The following LEPR variants were observed in gnomAD, a reference collection of about 807,000 sequenced individuals.
LEPR encodes the protein leptin receptor.
Under a neutral mutation model 114.7 loss-of-function variants are expected in LEPR, and 56 were observed. The observed-to-expected ratio is 0.49, with a 90% CI of 0.39 to 0.61. LEPR has a LOEUF of 0.61. LEPR is among the 20% of genes least tolerant of loss of function. The pLI, the probability that LEPR is intolerant of heterozygous loss-of-function variation, is 0.00. For synonymous variants in LEPR, 443 were observed against 461.4 expected (o/e 0.96, Z 0.51); for missense variants, 1,202 against 1,352.9 (o/e 0.89, Z 1.75).
intron 5 of LEPR, among the ~76,000 whole-genome samples, chr1:65,575,756 T>G (rs925898757): frequency 6.6e-6 from 1 of 151,502 alleles, no homozygotes; most frequent in Non-Finnish European, 1.5e-5. Flanking sequence ...ATAAATAAAT[T>G]TGAATAGGAA....
intron 5 of LEPR, among the ~76,000 whole-genome samples, chr1:65,587,600 A>G (rs1006115593): frequency 2.0e-5 from 3 of 152,032 alleles, no homozygotes; most frequent in African/African-American, 7.2e-5. Context: ...CCATGATCCT[A>G]TGGCTAATAA....
chr1:65,548,284 G>C (rs1651948133), intron 2 of LEPR, among the ~76,000 whole-genome samples: 1 of 152,128 alleles, frequency 6.6e-6, no homozygotes. Flanking sequence ...TGTATATTCT[G>C]TTGATTTGGG....
rs1658828485 is a variant in LEPR at position 65,640,399 on chromosome 1, A to C, written c.*3384A>C. ...CAAGGGTCATCTTGATAGTTACCTT[A>C]ACAAACCTTTCTCAGCTATTTATTA... On this transcript the variant is annotated 3_prime_UTR_variant, in exon 20 of 20. Transcript: ENST00000349533. 1 of 152,232 alleles carries C rather than the reference A, an allele frequency of 6.6e-6. No homozygotes were observed. The highest frequency in any genetic ancestry group is 6.5e-5 in the Admixed American group (1 of 15,284). 9.4% of individuals were successfully genotyped at this position (152,232 alleles called of 1,614,324 possible).
intron 19 of LEPR, chr1:65,635,462 C>A: frequency 1.3e-6 from 1 of 760,796 alleles, no homozygotes; most frequent in Non-Finnish European, 1.6e-6. Context: ...TTTCACATGT[C>A]CATAGTAAAT....
At chr1:65,544,602 G>A (rs1251260551) in intron 2 of LEPR, among the ~76,000 whole-genome samples, 2 of 151,646 alleles carry the variant, frequency 1.3e-5, no homozygotes, top group Non-Finnish European at 1.5e-5. Context: ...ATTATTTTTA[G>A]ATATGTTCCA....
At chr1:65,535,348 G>A (rs377419686) in intron 2 of LEPR, among the ~76,000 whole-genome samples, 1 of 150,570 alleles carries the variant, frequency 6.6e-6, no homozygotes. Flanking sequence ...AACACTGCTA[G>A]TCATAGGTCT....
intron 15 of LEPR, 67 bp from the exon 16 acceptor site, chr1:65,617,894 TTCC>T: frequency 6.9e-7 from 1 of 1,451,500 alleles, no homozygotes; most frequent in Non-Finnish European, 9.3e-7. Context: ...AGGTTATAAG[TTCC>T]TCAAGAGTAT....
At chr1:65,504,048 G>GA (rs1648599339) in intron 2 of LEPR, among the ~76,000 whole-genome samples, 1 of 152,128 alleles carries the variant, frequency 6.6e-6, no homozygotes. Flanking sequence ...ATCAAAGGGA[G>GA]ACTAGAGCCA....
At chr1:65,439,898 A>G (rs1215351828) in intron 2 of LEPR, among the ~76,000 whole-genome samples, 1 of 142,426 alleles carries the variant, frequency 7.0e-6, no homozygotes, top group East Asian at 2.2e-4. Context: ...GCTACTCAGG[A>G]GGCTGAGGCA....
rs527969223 is a variant in LEPR at position 65,640,753 on chromosome 1, G to C, written c.*3738G>C. On this transcript the variant is annotated 3_prime_UTR_variant, in exon 20 of 20. Coordinates refer to ENST00000349533, the MANE Select transcript of LEPR (RefSeq NM_002303.6). ...TGTATTTGTATAAACATTAGGAGAT[G>C]ATTTCCATGGCTTTTTTTTTTTTTT... The C allele has an allele frequency of 4.9e-5, 7 of 143,692 alleles. No homozygotes were observed. The East Asian group carries it at 1.5e-3, about 31-fold the overall frequency. 8.9% of individuals were successfully genotyped at this position (143,692 alleles called of 1,614,324 possible). A position where few individuals can be genotyped will look rare whatever the true frequency, so the allele number is the denominator to read the frequency against.
At chr1:65,590,270 C>G (rs148241534) in intron 5 of LEPR, among the ~76,000 whole-genome samples, 1 of 55,860 alleles carries the variant, frequency 1.8e-5, no homozygotes, top group Non-Finnish European at 3.6e-5. Context: ...CCTTATTATC[C>G]TTTTAATATC....
chr1:65,617,832 A>G, intron 15 of LEPR, 132 bp from the exon 16 acceptor site: 1 of 849,960 alleles, frequency 1.2e-6, no homozygotes, highest in Non-Finnish European at 1.7e-6. Context: ...ATTGTCATGT[A>G]TCATATTTAT....
chr1:65,454,629 G>T (rs1188975880), intron 2 of LEPR, among the ~76,000 whole-genome samples: 2 of 152,172 alleles, frequency 1.3e-5, no homozygotes, highest in Non-Finnish European at 2.9e-5. Context: ...CTTCTGGCTT[G>T]TAGGGTTTCT....
At chr1:65,523,082 A>G (rs1373718902) in intron 2 of LEPR, among the ~76,000 whole-genome samples, 1 of 152,180 alleles carries the variant, frequency 6.6e-6, no homozygotes, top group African/African-American at 2.4e-5. Context: ...TGTAAATTCT[A>G]TAAGGACCTT....
intron 18 of LEPR, 54 bp from the exon 19 acceptor site, chr1:65,622,852 A>T: frequency 6.3e-7 from 1 of 1,593,922 alleles, no homozygotes; most frequent in African/African-American, 1.3e-5. Flanking sequence ...AACTGTTCAC[A>T]TTTTCAATAT....
chr1:65,536,236 G>C (rs1433977804), intron 2 of LEPR, among the ~76,000 whole-genome samples: 1 of 152,096 alleles, frequency 6.6e-6, no homozygotes, highest in Non-Finnish European at 1.5e-5. Context: ...TTTAAAAAGA[G>C]CTTGGCTTGT....
intron 2 of LEPR, among the ~76,000 whole-genome samples, chr1:65,462,904 C>G (rs1288959152): frequency 2.6e-5 from 4 of 152,014 alleles, no homozygotes; most frequent in African/African-American, 7.3e-5. Flanking sequence ...AGCCTTTTGT[C>G]AGATGGGTAG....
chr1:65,622,941 C>T lies in LEPR; in HGVS notation c.2633C>T (p.Pro878Leu). The T allele has an allele frequency of 6.2e-7, 1 of 1,613,904 alleles. No homozygotes were observed. The change falls in exon 19 of 20, where the codon CCC becomes CTC. Residue 878 changes from proline to leucine, a missense_variant. Transcript: ENST00000349533. ...KKLFWEDVPNPKNCSWAQGLN... is the reference protein window; with the variant it reads ...KKLFWEDVPNLKNCSWAQGLN... ...CTATTTTGGGAAGATGTTCCGAACC[C>T]CAAGAATTGTTCCTGGGCACAAGGA...
At chr1:65,421,736 T>C (rs138691306) in intron 1 of LEPR, among the ~76,000 whole-genome samples, 15 of 152,348 alleles carry the variant, frequency 9.8e-5, no homozygotes, top group Admixed American at 9.1e-4. Flanking sequence ...GTGTCGACTG[T>C]GTTATATATC....
Sources: allele counts gnomAD v4.1 joint callset (sites outside exome capture counted in the v4.1 genomes callset), GRCh38; gene constraint gnomAD v4.1.1; transcripts MANE v1.5; gene names NCBI Gene and HGNC (gene_info 2026-07-23, HGNC 2026-07-21).